PRORP: variants seen among roughly 807,000 people sequenced by gnomAD.
The protein encoded by PRORP is mitochondrial ribonuclease P catalytic subunit.
A neutral mutation model predicts 59.4 loss-of-function variants in PRORP; 51 were observed. The observed-to-expected ratio is 0.86, with a 90% CI of 0.69 to 1.08. The LOEUF is 1.08. Ranked by LOEUF, PRORP falls within the 50% of genes least tolerant of loss-of-function variation. The probability of loss-of-function intolerance (pLI) is 0.00; values close to 1 mark genes in which losing one functional copy is unlikely to be tolerated. For missense variants in PRORP, 646 were observed against 690.3 expected, an observed-to-expected ratio of 0.94 and a Z score of 0.72; for synonymous variants, 231 against 245.6, an observed-to-expected ratio of 0.94 and a Z score of 0.55.
intron 4 of PRORP, among the ~76,000 whole-genome samples, chr14:35,164,953 CAA>C (rs2048147369): frequency 2.0e-5 from 3 of 152,060 alleles, no homozygotes; most frequent in Admixed American, 6.6e-5. Flanking sequence ...AGGACGTTTG[CAA>C]AGTTTCTCTC....
chr14:35,242,853 A>AAG (rs2050400011), intron 5 of PRORP, among the ~76,000 whole-genome samples: 1 of 152,186 alleles, frequency 6.6e-6, no homozygotes, highest in African/African-American at 2.4e-5. Flanking sequence ...GCAGAGGAGA[A>AAG]AGAGCTACTG....
chr14:35,187,995 C>T (rs2048783517), intron 5 of PRORP, among the ~76,000 whole-genome samples: 1 of 150,356 alleles, frequency 6.7e-6, no homozygotes. Context: ...GGATTACAGG[C>T]ACGGCCACCA....
At position 35,178,108 on chromosome 14, in the gene PRORP, C is replaced by T. The variant is rs201303699; in HGVS notation, c.1168-2562C>T. Among the ~76,000 whole-genome samples, 47 of 152,028 alleles carry T rather than the reference C, an allele frequency of 3.1e-4. No individual in the cohort carries two copies. The East Asian group carries it at 8.5e-3, about 28-fold the overall frequency. ...TTTGATTGCACTGTGGTCTGAGAGA[C>T]AGTTTGTTATAATTTCTGTTCTTTT... On this transcript the variant is annotated intron_variant, in intron 4 of 7. Transcript: ENST00000534898.
At chr14:35,266,984 A>T in intron 6 of PRORP, 109 bp downstream of exon 6, 1 of 948,608 alleles carries the variant, frequency 1.1e-6, no homozygotes, top group Non-Finnish European at 1.4e-6. Flanking sequence ...GTGTATACTC[A>T]CCCTCATTAA....
intron 5 of PRORP, among the ~76,000 whole-genome samples, chr14:35,206,640 ACAT>A (rs548198004): frequency 1.0e-3 from 154 of 152,330 alleles, no homozygotes; most frequent in Non-Finnish European, 1.9e-3. Flanking sequence ...TAGACTAGCA[ACAT>A]CATCATATAG....
At chr14:35,170,427 A>G (rs2048286621) in intron 4 of PRORP, among the ~76,000 whole-genome samples, 1 of 151,852 alleles carries the variant, frequency 6.6e-6, no homozygotes, top group South Asian at 2.1e-4. Flanking sequence ...ACTCTGGCCT[A>G]CAGATCTACA....
chr14:35,273,025 TTTG>T (rs140178401), intron 7 of PRORP, among the ~76,000 whole-genome samples: 2 of 152,156 alleles, frequency 1.3e-5, no homozygotes, highest in African/African-American at 2.4e-5. Context: ...AACACAGTTT[TTTG>T]TTGTTGTTGT....
chr14:35,250,140 C>T (rs557742865), intron 5 of PRORP, among the ~76,000 whole-genome samples: 61 of 151,656 alleles, frequency 4.0e-4, no homozygotes, highest in Non-Finnish European at 7.4e-4. Flanking sequence ...CCCAGCTACT[C>T]GGGAGGCTGA....
intron 5 of PRORP, among the ~76,000 whole-genome samples, chr14:35,185,887 T>C (rs2048727351): frequency 6.6e-6 from 1 of 152,266 alleles, no homozygotes; most frequent in Non-Finnish European, 1.5e-5. Flanking sequence ...AACAAGATTA[T>C]GGTATGAACT....
intron 4 of PRORP, among the ~76,000 whole-genome samples, chr14:35,157,250 C>T (rs577458459): frequency 1.6e-4 from 25 of 152,070 alleles, no homozygotes; most frequent in African/African-American, 5.3e-4. Flanking sequence ...CCACCGCGCC[C>T]GGACGTTCAT....
At chr14:35,243,223 C>CG (rs1363330333) in intron 5 of PRORP, among the ~76,000 whole-genome samples, 2 of 152,076 alleles carry the variant, frequency 1.3e-5, no homozygotes, top group Admixed American at 1.3e-4. Context: ...TAATCATAGT[C>CG]GCAGTTAGCT....
chr14:35,145,674 C>T (rs1335755216), intron 4 of PRORP, among the ~76,000 whole-genome samples: 6 of 139,194 alleles, frequency 4.3e-5, no homozygotes, highest in Non-Finnish European at 7.9e-5. Context: ...GAGCTGAGAT[C>T]GCGCCACTGC....
chr14:35,176,880 G>A (rs915471014), intron 4 of PRORP, among the ~76,000 whole-genome samples: 30 of 130,072 alleles, frequency 2.3e-4, no homozygotes, highest in Non-Finnish European at 4.6e-4. Flanking sequence ...CTGTGGGTTT[G>A]TCATAAATAG....
intron 4 of PRORP, 66 bp downstream of exon 4, chr14:35,127,677 A>C (rs968746690): frequency 1.0e-5 from 16 of 1,536,586 alleles, no homozygotes; most frequent in Non-Finnish European, 1.4e-5. Flanking sequence ...CAATTTTTGT[A>C]AAATGCCAGA....
At chr14:35,122,870 C>T (rs926492790) in intron 1 of PRORP, 82 bp from the exon 2 acceptor site, 2 of 189,242 alleles carry the variant, frequency 1.1e-5, no homozygotes, top group Admixed American at 1.1e-4. Context: ...CAGCAAGCTT[C>T]CCGTGGGAAT....
chr14:35,182,268 AAAATAAAAAGT>A (rs889684809), intron 5 of PRORP, among the ~76,000 whole-genome samples: 4 of 151,946 alleles, frequency 2.6e-5, no homozygotes, highest in Admixed American at 6.6e-5. Context: ...TACATCTCAA[AAAATAAAAAGT>A]AAATAAAATG....
chr14:35,143,829 G>T lies in PRORP; in HGVS notation c.1167+16218G>T, dbSNP rs181462260. 4.2e-4 allele frequency among the ~76,000 whole-genome samples: 61 copies of T among 145,044 alleles called. 2 individuals are homozygous for T. Among genetic ancestry groups the T allele is most frequent in the African/African-American group, 1.4e-3 (56 of 41,088 alleles). On this transcript the variant is annotated intron_variant, in intron 4 of 7. Transcript: ENST00000534898. ...AAGCCTGGCTAATTTTGTATTTTTA[G>T]TAGAGATGGGGTTTCTCCATGTTGG...
intron 5 of PRORP, among the ~76,000 whole-genome samples, chr14:35,190,530 G>A (rs1013978735): frequency 1.3e-5 from 2 of 151,608 alleles, no homozygotes; most frequent in African/African-American, 4.8e-5. Context: ...TTTTGAGATG[G>A]AGTCTTGCTC....
chr14:35,227,643 A>G (rs1192862177), intron 5 of PRORP, among the ~76,000 whole-genome samples: 1 of 152,024 alleles, frequency 6.6e-6, no homozygotes, highest in African/African-American at 2.4e-5. Context: ...CACCAAAAAT[A>G]TCCTTACTTC....
Sources: allele counts gnomAD v4.1 joint callset (sites outside exome capture counted in the v4.1 genomes callset), GRCh38; gene constraint gnomAD v4.1.1; transcripts MANE v1.5; gene names NCBI Gene and HGNC (gene_info 2026-07-23, HGNC 2026-07-21).